The following PRKN variants were observed in gnomAD, a reference collection of about 807,000 sequenced individuals.
PRKN encodes parkin RBR E3 ubiquitin protein ligase.
In PRKN, 56 loss-of-function variants were observed where a neutral mutation model predicts 59.5. That is an observed-to-expected ratio of 0.94 (90% confidence interval 0.76 to 1.18). The LOEUF (loss-of-function observed/expected upper bound fraction) is 1.18. PRKN is among the 50% of genes most tolerant of loss of function. The pLI is 0.00. For synonymous variants in PRKN, 250 were observed against 222.1 expected (o/e 1.13, Z -1.12); for missense variants, 657 against 596.4 (o/e 1.10, Z -1.06).
chr6:162,600,400 A>G (rs1781658070), intron 1 of PRKN, among the ~76,000 whole-genome samples: 1 of 152,154 alleles, frequency 6.6e-6, no homozygotes, highest in African/African-American at 2.4e-5. Flanking sequence ...GATGTTTCCA[A>G]TTTGGGGCTA....
At chr6:161,381,556 T>G (rs1785986152) in intron 10 of PRKN, among the ~76,000 whole-genome samples, 1 of 152,204 alleles carries the variant, frequency 6.6e-6, no homozygotes, top group Non-Finnish European at 1.5e-5. Context: ...TTTTTCTAAT[T>G]TAGGAGGCAG....
intron 1 of PRKN, among the ~76,000 whole-genome samples, chr6:162,507,424 G>C (rs1260304538): frequency 1.3e-5 from 2 of 151,618 alleles, no homozygotes. Context: ...AAAAAGAAAA[G>C]AAAAAAAATT....
chr6:161,771,453 G>T (rs1789692281), intron 7 of PRKN, among the ~76,000 whole-genome samples: 1 of 152,080 alleles, frequency 6.6e-6, no homozygotes, highest in Non-Finnish European at 1.5e-5. Flanking sequence ...AGCAGCTTGG[G>T]GGAGGGATCA....
chr6:162,045,336 T>G (rs905944901), intron 5 of PRKN, among the ~76,000 whole-genome samples: 3 of 152,202 alleles, frequency 2.0e-5, no homozygotes, highest in African/African-American at 7.2e-5. Flanking sequence ...TAAATAATAC[T>G]TGCGTAAGAT....
At chr6:162,077,726 G>A (rs1013895295) in intron 4 of PRKN, among the ~76,000 whole-genome samples, 1 of 151,924 alleles carries the variant, frequency 6.6e-6, no homozygotes, top group Non-Finnish European at 1.5e-5. Flanking sequence ...ATGGCTGGGC[G>A]CTGTGGCTCA....
At chr6:161,845,586 G>T (rs772746062) in intron 6 of PRKN, among the ~76,000 whole-genome samples, 4 of 152,128 alleles carry the variant, frequency 2.6e-5, no homozygotes, top group Non-Finnish European at 4.4e-5. Context: ...CATAGCCAGG[G>T]TCGGTTAAAT....
chr6:161,753,331 A>G (rs922872752), intron 7 of PRKN, among the ~76,000 whole-genome samples: 1 of 152,236 alleles, frequency 6.6e-6, no homozygotes, highest in African/African-American at 2.4e-5. Context: ...GCCCATAGTA[A>G]GCACGCAGTG....
At position 161,359,173 on chromosome 6, in the gene PRKN, C is replaced by T. The variant is rs750854213; in HGVS notation, c.1285+915G>A. Among the ~76,000 whole-genome samples the T allele has an allele frequency of 4.6e-5, 7 of 152,132 alleles. No homozygotes were observed. Among genetic ancestry groups the T allele is most frequent in the Admixed American group, 6.5e-5 (1 of 15,274 alleles). Reference sequence around the variant, plus strand: ...TGCATGCAATGGAGTAATAAGGACACGCTGGGTAAATTATTTATTTTCTCT... The same window carrying T: ...TGCATGCAATGGAGTAATAAGGACATGCTGGGTAAATTATTTATTTTCTCT... On this transcript the variant is annotated intron_variant, in intron 11 of 11. Transcript: ENST00000366898. This position sits in a 1 kb window ranked among gnomAD's most constrained non-coding sequence, Gnocchi z 5.4.
chr6:161,426,847 T>C (rs1282222328), intron 9 of PRKN, among the ~76,000 whole-genome samples: 14 of 151,896 alleles, frequency 9.2e-5, no homozygotes, highest in Admixed American at 9.2e-4. Flanking sequence ...GCCTTCCGAG[T>C]AGCTGGGACT....
intron 6 of PRKN, among the ~76,000 whole-genome samples, chr6:161,846,147 C>T (rs7755755): frequency 0.54 from 82,565 of 151,882 alleles, 22,656 homozygotes; most frequent in East Asian, 0.76. Flanking sequence ...TGATATCTAT[C>T]CCATGTGAAG....
At chr6:162,281,694 G>A (rs1225559636) in intron 2 of PRKN, among the ~76,000 whole-genome samples, 2 of 152,154 alleles carry the variant, frequency 1.3e-5, no homozygotes, top group Non-Finnish European at 2.9e-5. Flanking sequence ...AAATACCATA[G>A]CAAATGAGTT....
intron 7 of PRKN, among the ~76,000 whole-genome samples, chr6:161,599,388 T>C (rs748389488): frequency 1.3e-5 from 2 of 152,136 alleles, no homozygotes; most frequent in Non-Finnish European, 2.9e-5. Flanking sequence ...TCATAGAAAA[T>C]AGAAGGATCT....
In PRKN at chr6:161,573,167, G is replaced by A. The variant is rs116177142; in HGVS notation, c.872-3751C>T. 7.4e-3 allele frequency among the ~76,000 whole-genome samples: 1,127 copies of A among 152,262 alleles called. 15 individuals carry two copies. The highest frequency in any genetic ancestry group is 0.025 in the African/African-American group (1,055 of 41,558). On this transcript the variant is annotated intron_variant, in intron 7 of 11. Transcript: ENST00000366898. ...GAAGGGAGGCAGCCTACAGCTCAGG[G>A]TCCCAGGCCTGCTGAGATGGAACAT...
chr6:161,475,489 A>T lies in PRKN; in HGVS notation c.1083+73365T>A, dbSNP rs1397808051. ...ACTTGCTATATTTTAAATGCACGGTATTGACTTGTTATTTTTATTTACATA... is the reference window on the plus strand; with the variant it reads ...ACTTGCTATATTTTAAATGCACGGTTTTGACTTGTTATTTTTATTTACATA... On this transcript the variant is annotated intron_variant, in intron 9 of 11. Transcript: ENST00000366898. This position sits in a 1 kb window ranked among gnomAD's most constrained non-coding sequence, Gnocchi z 5.3. 2.0e-5 allele frequency among the ~76,000 whole-genome samples: 3 copies of T among 152,150 alleles called. No homozygotes were observed. Among genetic ancestry groups the T allele is most frequent in the African/African-American group, 7.2e-5 (3 of 41,436 alleles).
rs1460240966 is a variant in PRKN at position 161,470,988 on chromosome 6, T to G, written c.1083+77866A>C. On this transcript the variant is annotated intron_variant, in intron 9 of 11. Coordinates refer to ENST00000366898, the MANE Select transcript of PRKN (RefSeq NM_004562.3). The surrounding 1 kb of genome is among the most constrained non-coding windows in gnomAD (Gnocchi z 5.1). ...GAGAATTCTAAGTTAGAATCTGGCC[T>G]CTAAGGTCCTTATGAAGGTGTACTC... 6.6e-6 allele frequency among the ~76,000 whole-genome samples: 1 copy of G among 152,212 alleles called. No individual in the cohort carries two copies. Among genetic ancestry groups the G allele is most frequent in the African/African-American group, 2.4e-5 (1 of 41,454 alleles).
chr6:162,514,128 A>G (rs1174173722), intron 1 of PRKN, among the ~76,000 whole-genome samples: 9 of 152,192 alleles, frequency 5.9e-5, no homozygotes, highest in Non-Finnish European at 1.3e-4. Flanking sequence ...AATTCCCCAA[A>G]CTAATTATAA....
In PRKN at chr6:162,239,256, T is replaced by C. The variant is rs184285790; in HGVS notation, c.412+23269A>G. Among the ~76,000 whole-genome samples, 28 of 152,220 alleles carry C rather than the reference T, an allele frequency of 1.8e-4. No homozygotes were observed. The East Asian group carries it at 5.4e-3, about 30-fold the overall frequency. ...ACTGAGCAGGAACACAGCTTGCAGGTTGGCCGACTCATCTCCCCAGATTTT... is the reference window on the plus strand; with the variant it reads ...ACTGAGCAGGAACACAGCTTGCAGGCTGGCCGACTCATCTCCCCAGATTTT... On this transcript the variant is annotated intron_variant, in intron 3 of 11. Transcript: ENST00000366898.
intron 1 of PRKN, among the ~76,000 whole-genome samples, chr6:162,567,330 A>T (rs1028423758): frequency 2.0e-5 from 3 of 152,196 alleles, no homozygotes; most frequent in African/African-American, 7.2e-5. Context: ...AAGTCAAATT[A>T]TCCTTGTCTG....
rs140830733 is a variant in PRKN at position 162,235,603 on chromosome 6, C to T, written c.412+26922G>A. ...CAGGTGGATCATGAGGTCAGGAGTT[C>T]GAGACTAGCCTGGCCAACATGGCGA... On this transcript the variant is annotated intron_variant, in intron 3 of 11. Coordinates refer to ENST00000366898, the MANE Select transcript of PRKN (RefSeq NM_004562.3). Among the ~76,000 whole-genome samples, 579 of 152,034 alleles carry T rather than the reference C, an allele frequency of 3.8e-3. 3 individuals carry two copies. Among genetic ancestry groups the T allele is most frequent in the Middle Eastern group, 0.024 (7 of 294 alleles).
Sources: gnomAD v4.1 joint callset for allele counts (sites outside exome capture counted in the v4.1 genomes callset) on GRCh38, gnomAD v4.1.1 for gene constraint, Gnocchi (gnomAD v3.1) non-coding constraint, MANE v1.5 for transcripts, NCBI Gene and HGNC (gene_info 2026-07-23, HGNC 2026-07-21) for gene names.